The following LCORL variants were observed in gnomAD, a reference collection of about 807,000 sequenced individuals.
LCORL encodes the protein ligand-dependent nuclear receptor corepressor-like protein.
In LCORL, 41 loss-of-function variants were observed where a neutral mutation model predicts 141.8. The ratio of observed to expected loss-of-function variants is 0.29; its 90% CI spans 0.23 to 0.38. The LOEUF is 0.38. Ranked by LOEUF, LCORL falls within the 10% of genes least tolerant of loss-of-function variation. LCORL has a pLI of 1.00. For missense variants in LCORL, 1,759 were observed against 2,035.0 expected (o/e 0.86, Z 2.61); for synonymous variants, 618 against 694.1 (o/e 0.89, Z 1.72).
intron 1 of LCORL, among the ~76,000 whole-genome samples, chr4:18,003,928 T>C (rs1448745286): frequency 6.6e-6 from 1 of 152,140 alleles, no homozygotes; most frequent in Non-Finnish European, 1.5e-5. Flanking sequence ...GGGGGAGGGG[T>C]GCACCACACA....
intron 7 of LCORL, among the ~76,000 whole-genome samples, chr4:17,849,670 C>T (rs1199910699): frequency 2.0e-5 from 3 of 152,146 alleles, no homozygotes; most frequent in East Asian, 3.9e-4. Context: ...CAAAGCTGGA[C>T]GGAAGAATCA....
intron 4 of LCORL, chr4:17,912,038 G>C (rs547791158): frequency 3.0e-6 from 2 of 666,196 alleles, no homozygotes; most frequent in African/African-American, 3.6e-5. Flanking sequence ...AAAATCTGGG[G>C]GCACCTGGAG....
intron 6 of LCORL, chr4:17,883,438 A>T: frequency 2.6e-6 from 3 of 1,153,828 alleles, no homozygotes; most frequent in Non-Finnish European, 3.2e-6. Context: ...ACTAAAGAAA[A>T]CCTGAATCTT....
chr4:17,952,827 T>A (rs767176618), intron 4 of LCORL, among the ~76,000 whole-genome samples: 1 of 152,176 alleles, frequency 6.6e-6, no homozygotes, highest in South Asian at 2.1e-4. Context: ...TCAACACTCA[T>A]GTACTAAGCA....
In LCORL at chr4:17,921,615, G is replaced by T. The variant is rs116169265; in HGVS notation, c.431-12270C>A. Among the ~76,000 whole-genome samples, 440 of 152,234 alleles carry T rather than the reference G, an allele frequency of 2.9e-3. 3 individuals are homozygous for T. The highest frequency in any genetic ancestry group is 9.9e-3 in the African/African-American group (412 of 41,534). On this transcript the variant is annotated intron_variant, in intron 4 of 7. Coordinates refer to ENST00000635767, the Ensembl canonical transcript of LCORL. The stretch of plus-strand genomic sequence containing the variant: ...TCAGTGAGCTATAATATTTTGAAAG[G>T]AATTCTTTCTTCTGAGTGGTAGGTC...
chr4:17,987,037 C>T (rs1461598902), intron 1 of LCORL, among the ~76,000 whole-genome samples: 4 of 151,912 alleles, frequency 2.6e-5, no homozygotes, highest in South Asian at 2.1e-4. Context: ...TGTGTGAATA[C>T]GAGTGTGCAT....
chr4:17,938,276 G>C (rs1737210164), intron 4 of LCORL, among the ~76,000 whole-genome samples: 1 of 151,834 alleles, frequency 6.6e-6, no homozygotes, highest in East Asian at 1.9e-4. Context: ...CAAAGTGCTG[G>C]GATTACAGGC....
exon 8 of LCORL, chr4:17,845,016 G>A (rs1722778426): frequency 6.6e-6 from 1 of 152,048 alleles, no homozygotes. Context: ...TAAAACAGAT[G>A]TAAATCCATT....
At chr4:17,895,939 C>T (rs917393189) in intron 5 of LCORL, among the ~76,000 whole-genome samples, 4 of 152,112 alleles carry the variant, frequency 2.6e-5, no homozygotes, top group African/African-American at 9.7e-5. Context: ...ATCCTTTCTT[C>T]AGTTAATGGA....
At chr4:17,878,272 A>G in intron 6 of LCORL, 59 bp from the exon 7 acceptor site, 1 of 1,131,338 alleles carries the variant, frequency 8.8e-7, no homozygotes, top group Non-Finnish European at 1.1e-6. Flanking sequence ...ATAAGGAGTT[A>G]TAATTTTAAC....
At chr4:17,876,533 T>A (rs1726942379) in exon 7 of LCORL, 1 of 1,230,864 alleles carries the variant, frequency 8.1e-7, no homozygotes, top group Non-Finnish European at 1.0e-6. Flanking sequence ...CTATATTGTG[T>A]GAGCTTTCAA....
chr4:17,933,849 A>C (rs966224147), intron 4 of LCORL, among the ~76,000 whole-genome samples: 2 of 152,092 alleles, frequency 1.3e-5, no homozygotes, highest in Non-Finnish European at 2.9e-5. Flanking sequence ...GGTGCATTTG[A>C]ATGGTAGAAT....
exon 8 of LCORL, chr4:17,843,695 T>G (rs1322316535): frequency 7.9e-6 from 2 of 252,994 alleles, no homozygotes; most frequent in Non-Finnish European, 1.6e-5. Flanking sequence ...CTCCAAGTGA[T>G]TCTTATGAAC....
intron 1 of LCORL, among the ~76,000 whole-genome samples, chr4:17,978,487 T>C (rs1187003926): frequency 1.3e-5 from 2 of 151,722 alleles, no homozygotes; most frequent in Non-Finnish European, 2.9e-5. Flanking sequence ...TAGTCTCAGC[T>C]AATTGGGTGG....
At chr4:17,901,515 T>C (rs949948639) in intron 5 of LCORL, among the ~76,000 whole-genome samples, 7 of 152,116 alleles carry the variant, frequency 4.6e-5, no homozygotes, top group Non-Finnish European at 1.0e-4. Flanking sequence ...ATCATGTATG[T>C]AATTCTCAAC....
At chr4:17,927,192 C>T (rs1314708443) in intron 4 of LCORL, among the ~76,000 whole-genome samples, 1 of 152,204 alleles carries the variant, frequency 6.6e-6, no homozygotes, top group Non-Finnish European at 1.5e-5. Flanking sequence ...ATCTCATGAA[C>T]CAATCTCTGC....
In LCORL at chr4:17,990,098, T is replaced by C. The variant is rs966466481; in HGVS notation, c.155-17213A>G. ...CAGAAAAAAAGAAAACTCTCTGCGT[T>C]TTTTTTTTTTTTTTTTTTGAAATGG... On this transcript the variant is annotated intron_variant, in intron 1 of 7. Coordinates refer to ENST00000635767, the Ensembl canonical transcript of LCORL. 2.9e-5 allele frequency among the ~76,000 whole-genome samples: 4 copies of C among 135,840 alleles called. 1 individual carries two copies. 89.1% of individuals were successfully genotyped at this position (135,840 alleles called of 152,430 possible). A position where few individuals can be genotyped will look rare whatever the true frequency, so the allele number is the denominator to read the frequency against.
chr4:17,955,241 C>T (rs79832559), intron 4 of LCORL, among the ~76,000 whole-genome samples: 509 of 152,172 alleles, frequency 3.3e-3, no homozygotes, highest in African/African-American at 0.012. Flanking sequence ...CTCTATCAAA[C>T]GATGCTGAAA....
chr4:17,953,990 C>T (rs1180270223), intron 4 of LCORL, among the ~76,000 whole-genome samples: 3 of 151,964 alleles, frequency 2.0e-5, no homozygotes, highest in Non-Finnish European at 2.9e-5. Context: ...GGTGAAACCC[C>T]GTCTCTACTA....
Sources: allele counts gnomAD v4.1 joint callset (sites outside exome capture counted in the v4.1 genomes callset), GRCh38; gene constraint gnomAD v4.1.1; transcripts MANE v1.5; gene names NCBI Gene and HGNC (gene_info 2026-07-23, HGNC 2026-07-21).